The following DCAF4 variants were observed in gnomAD, a reference collection of about 807,000 sequenced individuals.
DCAF4 encodes DDB1 and CUL4 associated factor 4.
DCAF4 carries 37 observed loss-of-function variants against 60.9 expected under a neutral mutation model. That is an observed-to-expected ratio of 0.61 (90% CI 0.47 to 0.80). DCAF4 has a LOEUF of 0.80. Among genes scored for constraint, DCAF4 ranks in the 30% least tolerant of loss-of-function variants. The probability of loss-of-function intolerance (pLI) is 0.00; values close to 1 mark genes in which losing one functional copy is unlikely to be tolerated. For missense variants in DCAF4, 577 were observed against 650.0 expected (o/e 0.89, Z 1.22); for synonymous variants, 243 against 254.8 (o/e 0.95, Z 0.44).
chr14:72,959,374 G>A lies in DCAF4; in HGVS notation c.*569G>A. On this transcript the variant is annotated 3_prime_UTR_variant, in exon 14 of 14. Transcript: ENST00000358377. ...AGCAGCAGATCTCCGGGATTCTGCT[G>A]TTATTATCCAAAGGCGTTGGAAGGA... 1 of 985,522 alleles carries A rather than the reference G, an allele frequency of 1.0e-6. No homozygotes were observed. Among genetic ancestry groups the A allele is most frequent in the Non-Finnish European group, 1.2e-6 (1 of 830,018 alleles). The allele number at this position is 985,522 out of a possible 1,614,324, so 61.0% of individuals were successfully genotyped here.
chr14:72,959,064 T>C lies in DCAF4; in HGVS notation c.*259T>C. 1 of 1,176,232 alleles carries C rather than the reference T, an allele frequency of 8.5e-7. No homozygotes were observed. The highest frequency in any genetic ancestry group is 1.1e-6 in the Non-Finnish European group (1 of 951,694). The allele number at this position is 1,176,232 out of a possible 1,614,324, so 72.9% of individuals were successfully genotyped here. A position where few individuals can be genotyped will look rare whatever the true frequency, so the allele number is the denominator to read the frequency against. ...CCTTTTCTTATTGAATTCTTAGAAC[T>C]TAGTTAACCCTCCCTGCCTTTTCTT... On this transcript the variant is annotated 3_prime_UTR_variant, in exon 14 of 14. Coordinates refer to ENST00000358377, the MANE Select transcript of DCAF4 (RefSeq NM_015604.4).
intron 1 of DCAF4, chr14:72,929,506 G>C: frequency 2.9e-6 from 2 of 682,410 alleles, no homozygotes; most frequent in Admixed American, 2.3e-5. Context: ...AGACCAGCCT[G>C]GGCGGCAACA....
In DCAF4 at chr14:72,953,732, A is replaced by AAAATATATATATAT. The variant is rs1555527852; in HGVS notation, c.809-431_809-430insAATATATATATATA. 9.2e-5 allele frequency among the ~76,000 whole-genome samples: 2 copies of AAAATATATATATAT among 21,764 alleles called. 1 individual carries two copies. Among genetic ancestry groups the AAAATATATATATAT allele is most frequent in the East Asian group, 2.3e-3 (2 of 856 alleles). 14.3% of individuals were successfully genotyped at this position (21,764 alleles called of 152,430 possible). A position where few individuals can be genotyped will look rare whatever the true frequency, so the allele number is the denominator to read the frequency against. On this transcript the variant is annotated intron_variant, in intron 9 of 13. Coordinates refer to ENST00000358377, the MANE Select transcript of DCAF4 (RefSeq NM_015604.4). ...CTTAAAAAAAAAAAAAAAAAAAAAA[A>AAAATATATATATAT]ATATATATATATATATATATATATA... is the stretch of plus-strand genomic sequence containing the variant.
chr14:72,951,001 G>C (rs1316563068), intron 8 of DCAF4, among the ~76,000 whole-genome samples: 1 of 151,936 alleles, frequency 6.6e-6, no homozygotes, highest in Non-Finnish European at 1.5e-5. Context: ...TTATTTTTGA[G>C]ACATGGTCTT....
chr14:72,957,800 TTCTCCTGCTGAAGG>T (rs1211775417), intron 13 of DCAF4: 17 of 152,378 alleles, frequency 1.1e-4, no homozygotes, highest in African/African-American at 3.8e-4. Flanking sequence ...GCCTGTCCTC[TTCTCCTGCTGAAGG>T]TCTCCAGTAG....
Position 72,951,845 on chromosome 14 carries a change from TC to T in DCAF4, c.779del (p.Pro260GlnfsTer12), listed in dbSNP as rs1437424031. ...GAGACTCCAGGCTGTGCCACCCTGC[TC>T]CCAGCATCACTGTTCGTCAATAGTC... ...LAETPGCATL[L>X]PASLFVNSHP... On this transcript the variant is annotated frameshift_variant, in exon 9 of 14. Transcript: ENST00000358377. LOFTEE classifies it high-confidence loss of function. 1 of 1,614,002 alleles carries T rather than the reference TC, an allele frequency of 6.2e-7. No individual in the cohort carries two copies. The highest frequency in any genetic ancestry group is 8.5e-7 in the Non-Finnish European group (1 of 1,180,030).
downstream of DCAF4, chr14:72,962,016 A>G (rs768128777): frequency 1.8e-6 from 2 of 1,088,782 alleles, no homozygotes; most frequent in Admixed American, 7.7e-5. Context: ...TCTTCCCTTC[A>G]TAGCCCTCAA....
chr14:72,930,072 C>T (rs918315059), intron 1 of DCAF4: 6 of 531,764 alleles, frequency 1.1e-5, no homozygotes, highest in African/African-American at 1.9e-5. Flanking sequence ...TGGAGGTTGC[C>T]GGGAGCGGAG....
intron 12 of DCAF4, 25 bp from the exon 13 acceptor site, chr14:72,956,361 A>T (rs759899579): frequency 1.3e-6 from 2 of 1,566,762 alleles, no homozygotes; most frequent in East Asian, 4.5e-5. Context: ...CCCCTCCCTG[A>T]TGGCCCCTGG....
chr14:72,937,661 C>T (rs565043400), intron 1 of DCAF4, among the ~76,000 whole-genome samples: 15 of 152,156 alleles, frequency 9.9e-5, no homozygotes, highest in South Asian at 6.2e-4. Context: ...CCTCGTGATC[C>T]GCCTGCCTCG....
intron 13 of DCAF4, 62 bp from the exon 14 acceptor site, chr14:72,958,550 T>A (rs1892586099): frequency 1.9e-6 from 3 of 1,591,336 alleles, no homozygotes; most frequent in Non-Finnish European, 2.6e-6. Context: ...CATGTCCACA[T>A]GTAGGTAAGT....
At chr14:72,931,453 G>A (rs375602879) in intron 1 of DCAF4, among the ~76,000 whole-genome samples, 54 of 151,942 alleles carry the variant, frequency 3.6e-4, no homozygotes, top group Middle Eastern at 3.4e-3. Flanking sequence ...TCATTTGTGA[G>A]GTCCAGTAGA....
intron 8 of DCAF4, 149 bp downstream of exon 8, chr14:72,947,340 C>T (rs1890866727): frequency 3.3e-6 from 3 of 919,130 alleles, no homozygotes; most frequent in Non-Finnish European, 5.3e-6. Flanking sequence ...AAAAAAGCAG[C>T]GTACCTGGAT....
At chr14:72,927,710 T>C (rs1398467504) in intron 1 of DCAF4, among the ~76,000 whole-genome samples, 1 of 152,130 alleles carries the variant, frequency 6.6e-6, no homozygotes, top group Non-Finnish European at 1.5e-5. Flanking sequence ...GTGGAATCCC[T>C]GTTCCACCAT....
At chr14:72,951,319 C>T (rs908014126) in intron 8 of DCAF4, among the ~76,000 whole-genome samples, 2 of 151,982 alleles carry the variant, frequency 1.3e-5, no homozygotes, top group African/African-American at 4.8e-5. Context: ...CTTTAAAAAA[C>T]ATCTGAAGCT....
chr14:72,951,377 C>T (rs151053025), intron 8 of DCAF4, among the ~76,000 whole-genome samples: 2,598 of 152,132 alleles, frequency 0.017, 56 homozygotes, highest in African/African-American at 0.057. Flanking sequence ...TTTGGGAGGC[C>T]GAGGCGGGCG....
intron 8 of DCAF4, among the ~76,000 whole-genome samples, chr14:72,949,728 G>C (rs551071154): frequency 1.8e-4 from 27 of 152,346 alleles, no homozygotes; most frequent in African/African-American, 6.5e-4. Flanking sequence ...CTGCACTCCA[G>C]CCTGAGCGAA....
intron 1 of DCAF4, among the ~76,000 whole-genome samples, chr14:72,936,656 C>T (rs1448108730): frequency 6.6e-6 from 1 of 151,666 alleles, no homozygotes; most frequent in African/African-American, 2.4e-5. Context: ...AAGAGCAGAT[C>T]GGGGGTTAGA....
At chr14:72,946,883 C>G (rs1478169685) in intron 7 of DCAF4, among the ~76,000 whole-genome samples, 1 of 152,146 alleles carries the variant, frequency 6.6e-6, no homozygotes, top group Non-Finnish European at 1.5e-5. Context: ...TTATCTCCTG[C>G]CATTGTAGAA....
Sources: gnomAD v4.1 joint callset for allele counts (sites outside exome capture counted in the v4.1 genomes callset) on GRCh38, gnomAD v4.1.1 for gene constraint, MANE v1.5 for transcripts, NCBI Gene and HGNC (gene_info 2026-07-23, HGNC 2026-07-21) for gene names.